Variants in ROS1 observed in about 807,000 individuals in gnomAD.
ROS1 encodes the protein ROS proto-oncogene 1, receptor tyrosine kinase.
A neutral mutation model predicts 273.5 loss-of-function variants in ROS1; 263 were observed. The observed-to-expected ratio is 0.96, with a 90% CI of 0.87 to 1.06. ROS1 has a LOEUF of 1.06. Among genes scored for constraint, ROS1 ranks in the 50% least tolerant of loss-of-function variants. The probability of loss-of-function intolerance (pLI) is 0.00; values close to 1 mark genes in which losing one functional copy is unlikely to be tolerated. For missense variants in ROS1, 2,833 were observed against 2,751.1 expected, an observed-to-expected ratio of 1.03 and a Z score of -0.67; for synonymous variants, 1,008 against 954.1, an observed-to-expected ratio of 1.06 and a Z score of -1.04.
At chr6:117,322,584 A>C (rs1776356672) in intron 35 of ROS1, among the ~76,000 whole-genome samples, 1 of 152,172 alleles carries the variant, frequency 6.6e-6, no homozygotes, top group South Asian at 2.1e-4. Context: ...CAGAAGGCTA[A>C]TGTTATGCAT....
rs1391946339 is a variant in ROS1, at chr6:117,317,286, A to G, written c.5988-14T>C. On this transcript the variant is annotated splice_polypyrimidine_tract_variant and intron_variant, in intron 38 of 43. Transcript: ENST00000368507. ...TGATTAAATTTGCTGAAAGGTGGAA[A>G]GACACAGGCTGGATGATATGACAGA... 1.2e-6 allele frequency: 2 copies of G among 1,609,450 alleles called. No homozygotes were observed. Among genetic ancestry groups the G allele is most frequent in the African/African-American group, 2.7e-5 (2 of 74,724 alleles).
At chr6:117,336,482 T>C (rs1210357579) in intron 32 of ROS1, among the ~76,000 whole-genome samples, 1 of 152,120 alleles carries the variant, frequency 6.6e-6, no homozygotes, top group Non-Finnish European at 1.5e-5. Context: ...TTCATCCATA[T>C]CCCTGCAAAA....
intron 25 of ROS1, among the ~76,000 whole-genome samples, 165 bp downstream of exon 25, chr6:117,357,639 G>T (rs1779434523): frequency 6.6e-6 from 1 of 152,112 alleles, no homozygotes; most frequent in South Asian, 2.1e-4. Context: ...TTGTAGTTGT[G>T]CCTCCTAATT....
At chr6:117,307,516 G>C (rs556307214) in intron 42 of ROS1, among the ~76,000 whole-genome samples, 1 of 151,908 alleles carries the variant, frequency 6.6e-6, no homozygotes, top group Non-Finnish European at 1.5e-5. Context: ...TACATGAAAG[G>C]TTTTCAAATT....
Position 117,344,092 on chromosome 6 carries a change from T to A in ROS1, c.4474A>T (p.Lys1492Ter), listed in dbSNP as rs1278804712. The change falls in exon 28 of 44, where the codon AAA becomes TAA. Residue 1492 changes from lysine to a stop codon, truncating the protein, a stop_gained. Transcript: ENST00000368507. LOFTEE classifies it high-confidence loss of function. ...CTATATTTCAAGTCAGAGCTGTTTT[T>A]CCTGTCATTAACTTCTGCATAATAA... is the stretch of plus-strand genomic sequence containing the variant. The part of the protein sequence containing the change: ...LVYYAEVNDR[K>*]NSSDLKYRIL... 4 of 1,613,876 alleles carry A rather than the reference T, an allele frequency of 2.5e-6. No individual in the cohort carries two copies. The highest frequency in any genetic ancestry group is 2.7e-5 in the African/African-American group (2 of 74,926).
intron 32 of ROS1, among the ~76,000 whole-genome samples, chr6:117,336,262 C>G (rs1777454626): frequency 6.6e-6 from 1 of 152,030 alleles, no homozygotes; most frequent in Non-Finnish European, 1.5e-5. Flanking sequence ...ACCTAGCAAA[C>G]CATCACCTAG....
At chr6:117,387,087 CT>C in intron 14 of ROS1, 88 bp from the exon 15 acceptor site, 1 of 578,178 alleles carries the variant, frequency 1.7e-6, no homozygotes, top group Non-Finnish European at 3.0e-6. Context: ...TGCCTTATAT[CT>C]TATGATTTTC....
intron 41 of ROS1, 109 bp downstream of exon 41, chr6:117,309,972 C>G: frequency 1.0e-6 from 1 of 959,644 alleles, no homozygotes; most frequent in Non-Finnish European, 1.6e-6. Flanking sequence ...CTTAATCTCT[C>G]TGGTCTTCTG....
intron 43 of ROS1, among the ~76,000 whole-genome samples, chr6:117,296,606 G>A (rs1402560831): frequency 3.9e-5 from 6 of 152,012 alleles, no homozygotes; most frequent in South Asian, 2.1e-4. Context: ...AAATCAAAAC[G>A]ATTGAACCCA....
Position 117,317,180 on chromosome 6 carries a change from T to C in ROS1, c.6080A>G (p.Asp2027Gly), listed in dbSNP as rs748581568. Residue 2027 changes from aspartate (D) to glycine (G), a missense_variant, in exon 39 of 44, where the codon GAC (aspartate) becomes GGC (glycine). Physicochemically the swap from Asp to Gly is moderately conservative, Grantham distance 94. Transcript: ENST00000368507. ...YIILELMEGG[D>G]LLTYLRKARM... ...GGCTTTACGCAAATAAGTAAGAAGGTCTCCTCCCTCCATCAGTTCCAGGAT... is the reference window on the plus strand; with the variant it reads ...GGCTTTACGCAAATAAGTAAGAAGGCCTCCTCCCTCCATCAGTTCCAGGAT... 3 of 1,613,136 alleles carry C rather than the reference T, an allele frequency of 1.9e-6. No homozygotes were observed. Among genetic ancestry groups the C allele is most frequent in the Non-Finnish European group, 2.5e-6 (3 of 1,179,574 alleles).
At chr6:117,310,359 G>A in intron 40 of ROS1, 78 bp from the exon 41 acceptor site, 1 of 1,044,012 alleles carries the variant, frequency 9.6e-7, no homozygotes, top group Non-Finnish European at 1.4e-6. Flanking sequence ...AGCCCTAGTA[G>A]GTCTGTAAAG....
chr6:117,360,437 T>C, intron 22 of ROS1, 32 bp from the exon 23 acceptor site: 1 of 1,518,416 alleles, frequency 6.6e-7, no homozygotes, highest in Admixed American at 1.7e-5. Flanking sequence ...TTGCATTCAG[T>C]AGTGTTCTCC....
At chr6:117,323,835 G>A (rs933139922) in intron 35 of ROS1, among the ~76,000 whole-genome samples, 7 of 152,008 alleles carry the variant, frequency 4.6e-5, no homozygotes, top group South Asian at 2.1e-4. Flanking sequence ...AGCAAGAGTC[G>A]ATCCCACAAG....
intron 29 of ROS1, 81 bp downstream of exon 29, chr6:117,342,319 T>A (rs1160510625): frequency 7.5e-7 from 1 of 1,330,542 alleles, no homozygotes; most frequent in Non-Finnish European, 1.0e-6. Flanking sequence ...GCATTCAGAT[T>A]TTAAAAAATA....
rs2128581669 is a variant in ROS1 at position 117,326,254 on chromosome 6, C to A, written c.5509G>T (p.Gly1837Ter). The change falls in exon 34 of 44, where the codon GGA becomes TGA. Residue 1837 changes from glycine to a stop codon, truncating the protein, a stop_gained. Transcript: ENST00000368507. LOFTEE classifies it high-confidence loss of function. ...ANNLGFGEYS[G>*]ISENIILVGD... The stretch of plus-strand genomic sequence containing the variant: ...ACTAATATAATATTCTCACTGATTC[C>A]ACTATATTCACCAAACCCTAGATTA... 1 of 1,598,696 alleles carries A rather than the reference C, an allele frequency of 6.3e-7. No individual in the cohort carries two copies. The highest frequency in any genetic ancestry group is 1.1e-5 in the South Asian group (1 of 87,796).
intron 32 of ROS1, 123 bp from the exon 33 acceptor site, chr6:117,329,569 C>A (rs2128594071): frequency 1.7e-6 from 1 of 584,728 alleles, no homozygotes; most frequent in Non-Finnish European, 3.0e-6. Context: ...GAGGCGGGGC[C>A]AAGATGGCCG....
At chr6:117,368,627 T>C (rs1456578745) in intron 18 of ROS1, among the ~76,000 whole-genome samples, 1 of 152,254 alleles carries the variant, frequency 6.6e-6, no homozygotes. Context: ...TAATGTTATT[T>C]AGTTTTAATT....
At chr6:117,389,911 C>T in intron 12 of ROS1, 65 bp from the exon 13 acceptor site, 3 of 1,388,978 alleles carry the variant, frequency 2.2e-6, no homozygotes, top group Non-Finnish European at 3.0e-6. Context: ...ACCTCCTCAG[C>T]TAATTGCTTC....
At chr6:117,368,528 G>C (rs1245286254) in intron 18 of ROS1, among the ~76,000 whole-genome samples, 1 of 152,108 alleles carries the variant, frequency 6.6e-6, no homozygotes, top group African/African-American at 2.4e-5. Context: ...CTACAGACTA[G>C]AGCCGTACTG....
Sources: allele counts gnomAD v4.1 joint callset (sites outside exome capture counted in the v4.1 genomes callset), GRCh38; gene constraint gnomAD v4.1.1; transcripts MANE v1.5; gene names NCBI Gene and HGNC (gene_info 2026-07-23, HGNC 2026-07-21).